Variants in CASZ1 observed in about 807,000 individuals in gnomAD.
CASZ1 encodes castor zinc finger 1.
In CASZ1, 28 loss-of-function variants were observed where a neutral mutation model predicts 135.2. The ratio of observed to expected loss-of-function variants is 0.21; its 90% CI spans 0.15 to 0.28. CASZ1 has a LOEUF of 0.28. Among genes scored for constraint, CASZ1 ranks in the 10% least tolerant of loss-of-function variants. CASZ1 has a pLI of 1.00. For missense variants in CASZ1, 2,161 were observed against 2,453.3 expected, an observed-to-expected ratio of 0.88 and a Z score of 2.52; for synonymous variants, 1,068 against 1,073.4, an observed-to-expected ratio of 0.99 and a Z score of 0.10.
intron 3 of CASZ1, among the ~76,000 whole-genome samples, chr1:10,695,897 C>T (rs898263573): frequency 6.6e-6 from 1 of 152,024 alleles, no homozygotes; most frequent in South Asian, 2.1e-4. Context: ...AAGGAAGGAC[C>T]TGGTTCTCCG....
chr1:10,695,172 C>A lies in CASZ1; in HGVS notation c.-23-1260G>T, dbSNP rs551212485. ...TTCTGGAGCTGGAGGAACAGGAGCG[C>A]GGGGCGAGGCGGGGCAGGGCGCAGT... On this transcript the variant is annotated intron_variant, in intron 3 of 20. Coordinates refer to ENST00000377022, the MANE Select transcript of CASZ1 (RefSeq NM_001079843.3). Among the ~76,000 whole-genome samples, 5 of 151,046 alleles carry A rather than the reference C, an allele frequency of 3.3e-5. No homozygotes were observed. In the South Asian group the frequency reaches 1.0e-3, roughly 32 times the overall value.
rs1342800296 is a variant in CASZ1, at chr1:10,707,979, G to C, written c.-76-2435C>G. 2.0e-5 allele frequency among the ~76,000 whole-genome samples: 3 copies of C among 152,166 alleles called. No homozygotes were observed. Among genetic ancestry groups the C allele is most frequent in the African/African-American group, 7.2e-5 (3 of 41,430 alleles). ...CCAGGCTAAGAAAGAAAAGCCATGT[G>C]CTCAGAGATCATGGCAGAAAGTGCC... On this transcript the variant is annotated intron_variant, in intron 2 of 20. Coordinates refer to ENST00000377022, the MANE Select transcript of CASZ1 (RefSeq NM_001079843.3). The surrounding 1 kb of genome is among the most constrained non-coding windows in gnomAD (Gnocchi z 5.0).
At position 10,762,779 on chromosome 1, in the gene CASZ1, C is replaced by T. The variant is rs1471204735; in HGVS notation, c.-233-1922G>A. On this transcript the variant is annotated intron_variant, in intron 1 of 20. Coordinates refer to ENST00000377022, the MANE Select transcript of CASZ1 (RefSeq NM_001079843.3). This position sits in a 1 kb window ranked among gnomAD's most constrained non-coding sequence, Gnocchi z 4.1. ...GGGAAACACATCTACCTCCCCAACT[C>T]CAGGCAAGGCGCTGGCAAGACCAGG... Among the ~76,000 whole-genome samples, 1 of 152,164 alleles carries T rather than the reference C, an allele frequency of 6.6e-6. No individual in the cohort carries two copies. The highest frequency in any genetic ancestry group is 1.9e-4 in the East Asian group (1 of 5,182).
intron 6 of CASZ1, among the ~76,000 whole-genome samples, chr1:10,659,451 G>A (rs547529206): frequency 2.0e-5 from 3 of 151,830 alleles, no homozygotes; most frequent in Admixed American, 6.5e-5. Flanking sequence ...GTCCAGGAGC[G>A]GGGGGGCGCT....
In CASZ1 at chr1:10,765,129, G is replaced by C. The variant is rs1033652617; in HGVS notation, c.-233-4272C>G. Reference sequence around the variant, plus strand: ...CAATGAACATCAGCCACGGAGACGCGGGATTGGGAAGCAGGGCCAGAGAAC... The same window carrying C: ...CAATGAACATCAGCCACGGAGACGCCGGATTGGGAAGCAGGGCCAGAGAAC... On this transcript the variant is annotated intron_variant, in intron 1 of 20. Transcript: ENST00000377022. Among the ~76,000 whole-genome samples the C allele has an allele frequency of 3.9e-5, 6 of 152,268 alleles. No individual in the cohort carries two copies. The South Asian group carries it at 1.2e-3, about 32-fold the overall frequency.
intron 15 of CASZ1, 186 bp downstream of exon 15, chr1:10,648,884 C>T: frequency 1.3e-6 from 1 of 767,464 alleles, no homozygotes; most frequent in Non-Finnish European, 2.0e-6. Flanking sequence ...CTCAGAGCCC[C>T]CGGCTGAGGG....
intron 1 of CASZ1, among the ~76,000 whole-genome samples, chr1:10,773,864 T>G (rs1640616457): frequency 1.3e-5 from 2 of 152,190 alleles, no homozygotes; most frequent in Admixed American, 1.3e-4. Context: ...TGATATGCGC[T>G]GAGAAGAGGC....
chr1:10,793,925 G>T (rs1157768472), intron 1 of CASZ1, among the ~76,000 whole-genome samples: 1 of 152,178 alleles, frequency 6.6e-6, no homozygotes, highest in African/African-American at 2.4e-5. Flanking sequence ...CGGAGATTGC[G>T]CAGGTCGCGA....
chr1:10,738,044 C>T (rs1051363981), intron 2 of CASZ1, among the ~76,000 whole-genome samples: 2 of 151,890 alleles, frequency 1.3e-5, no homozygotes, highest in African/African-American at 2.4e-5. Context: ...CCAGACAGGA[C>T]GGCTGCAGGT....
chr1:10,665,136 G>C lies in CASZ1; in HGVS notation c.452C>G (p.Ser151Trp). 1.3e-6 allele frequency: 2 copies of C among 1,527,810 alleles called. No homozygotes were observed. The highest frequency in any genetic ancestry group is 1.3e-5 in the South Asian group (1 of 77,060). The allele number at this position is 1,527,810 out of a possible 1,614,324, so 94.6% of individuals were successfully genotyped here. Residue 151 changes from serine to tryptophan, a missense_variant, in exon 5 of 21, where the codon TCG becomes TGG. By Grantham distance (177) the Ser-to-Trp change is radical. This residue lies in a region of CASZ1 where 590 missense variants were observed against 609.8 expected (regional missense o/e 0.97). Transcript: ENST00000377022. ...GTCCTCCTTGGAGGCTGCCCCGTCC[G>C]AATCCTTCTCCTCCAGGGCACCGCC... is the stretch of plus-strand genomic sequence containing the variant. ...KDGGALEEKD[S>W]DGAASKEDSG...
At chr1:10,659,635 G>A (rs1026424357) in intron 6 of CASZ1, 67 bp downstream of exon 6, 25 of 1,301,682 alleles carry the variant, frequency 1.9e-5, no homozygotes, top group Non-Finnish European at 2.7e-5. Context: ...CAACCCTGGT[G>A]AGGAAGGAGG....
chr1:10,642,727 GGCTCT>G (rs1642246308), intron 20 of CASZ1, 127 bp downstream of exon 20: 1 of 976,560 alleles, frequency 1.0e-6, no homozygotes, highest in Admixed American at 2.7e-5. Flanking sequence ...CAGACCAGCT[GGCTCT>G]GCTGCACGCC....
chr1:10,664,527 T>A (rs1329091091), intron 5 of CASZ1, among the ~76,000 whole-genome samples: 1 of 151,884 alleles, frequency 6.6e-6, no homozygotes, highest in Non-Finnish European at 1.5e-5. Context: ...CCCTGAGACG[T>A]CCTGCTGGGA....
chr1:10,788,294 GGTGACA>G lies in CASZ1; in HGVS notation c.-234+8264_-234+8269del, dbSNP rs1640894407. The stretch of plus-strand genomic sequence containing the variant: ...CCCGATCCACCTATGGGGTCCCCTG[GGTGACA>G]GTTTGACAGCACTCTCCTCTCCCAG... On this transcript the variant is annotated intron_variant, in intron 1 of 20. Transcript: ENST00000377022. This position sits in a 1 kb window ranked among gnomAD's most constrained non-coding sequence, Gnocchi z 4.1. Among the ~76,000 whole-genome samples the G allele has an allele frequency of 6.6e-6, 1 of 152,104 alleles. No individual in the cohort carries two copies. The highest frequency in any genetic ancestry group is 2.4e-5 in the African/African-American group (1 of 41,406).
At position 10,725,470 on chromosome 1, in the gene CASZ1, C is replaced by T. The variant is rs1482722451; in HGVS notation, c.-76-19926G>A. On this transcript the variant is annotated intron_variant, in intron 2 of 20. Transcript: ENST00000377022. This position sits in a 1 kb window ranked among gnomAD's most constrained non-coding sequence, Gnocchi z 4.4. ...TCTTTGCCAGACAGTTTGCAGATTG[C>T]TCTGTTGGCTCAATTTCTTATTGGA... is the stretch of plus-strand genomic sequence containing the variant. Among the ~76,000 whole-genome samples the T allele has an allele frequency of 6.6e-6, 1 of 152,166 alleles. No homozygotes were observed. Among genetic ancestry groups the T allele is most frequent in the Non-Finnish European group, 1.5e-5 (1 of 68,032 alleles).
At position 10,639,205 on chromosome 1, in the gene CASZ1, A is replaced by C; in HGVS notation, c.5017T>G (p.Ser1673Ala). 1.0e-6 allele frequency: 1 copy of C among 954,724 alleles called. No individual in the cohort carries two copies. Among genetic ancestry groups the C allele is most frequent in the Non-Finnish European group, 1.3e-6 (1 of 794,566 alleles). 59.1% of individuals were successfully genotyped at this position (954,724 alleles called of 1,614,324 possible). The change falls in exon 21 of 21, where the codon TCC becomes GCC. Residue 1673 changes from serine to alanine, a missense_variant. Physicochemically the swap from Ser to Ala is moderately conservative, Grantham distance 99. Coordinates refer to ENST00000377022, the MANE Select transcript of CASZ1 (RefSeq NM_001079843.3). This position sits in a 1 kb window ranked among gnomAD's most constrained non-coding sequence, Gnocchi z 4.0. Reference sequence around the variant, plus strand: ...TCCTCCTCCTCGTCCTCCTGCGAGGACTCCCCAGCTGCGGCGGCGGCGGCG... The same window carrying C: ...TCCTCCTCCTCGTCCTCCTGCGAGGCCTCCCCAGCTGCGGCGGCGGCGGCG... ...AAAAAAAAGE[S>A]SQEDEEEELE...
intron 2 of CASZ1, among the ~76,000 whole-genome samples, chr1:10,732,675 T>G (rs1261164177): frequency 6.6e-6 from 1 of 151,946 alleles, no homozygotes; most frequent in Admixed American, 6.6e-5. Flanking sequence ...GTCCTACAAG[T>G]AGTAAAAGAA....
chr1:10,793,892 G>T (rs1049694525), intron 1 of CASZ1, among the ~76,000 whole-genome samples: 2 of 152,172 alleles, frequency 1.3e-5, no homozygotes, highest in Non-Finnish European at 2.9e-5. Flanking sequence ...GCGGCTGGGG[G>T]TCGGGGGAGT....
chr1:10,751,190 C>G (rs2100555660), intron 2 of CASZ1, among the ~76,000 whole-genome samples: 2 of 152,278 alleles, frequency 1.3e-5, no homozygotes, highest in South Asian at 4.1e-4. Context: ...AGAAAAGCCA[C>G]ATTTCCTAAA....
Sources: gnomAD v4.1 joint callset for allele counts (sites outside exome capture counted in the v4.1 genomes callset) on GRCh38, gnomAD v4.1.1 for gene constraint, gnomAD v4.1.1 regional missense constraint, Gnocchi (gnomAD v3.1) non-coding constraint, MANE v1.5 for transcripts, NCBI Gene and HGNC (gene_info 2026-07-23, HGNC 2026-07-21) for gene names.